CAST: variants seen among roughly 807,000 people sequenced by gnomAD.
The protein encoded by CAST is MIR583 host.
In CAST, 76 loss-of-function variants were observed where a neutral mutation model predicts 119.6. That is an observed-to-expected ratio of 0.64 (90% CI 0.53 to 0.77). The LOEUF (loss-of-function observed/expected upper bound fraction) is 0.77, where lower values mean the gene tolerates loss of function less well. Ranked by LOEUF, CAST falls within the 30% of genes least tolerant of loss-of-function variation. The probability of loss-of-function intolerance (pLI) is 0.00; values close to 1 mark genes in which losing one functional copy is unlikely to be tolerated. For synonymous variants in CAST, 319 were observed against 331.6 expected, an observed-to-expected ratio of 0.96 and a Z score of 0.41; for missense variants, 953 against 946.5, an observed-to-expected ratio of 1.01 and a Z score of -0.09.
chr5:96,573,390 G>C (rs1580830413), intron 1 of CAST, among the ~76,000 whole-genome samples: 1 of 152,072 alleles, frequency 6.6e-6, no homozygotes, highest in South Asian at 2.1e-4. Flanking sequence ...CAACACTTTG[G>C]GAGGCTGAGG....
the CAST span, among the ~76,000 whole-genome samples, chr5:96,365,282 GAGA>G: frequency 5.7e-3 from 874 of 152,336 alleles, 12 homozygotes; most frequent in African/African-American, 0.02. Flanking sequence ...ATGTGGTGCT[GAGA>G]AGAATGTATA....
At chr5:96,635,266 T>C (rs17086432) in intron 1 of CAST, among the ~76,000 whole-genome samples, 24,046 of 152,204 alleles carry the variant, frequency 0.16, 2,942 homozygotes, top group African/African-American at 0.35. Context: ...GGAAATGGGA[T>C]CAAATTACAT....
chr5:96,212,673 G>T, the CAST span, among the ~76,000 whole-genome samples: 1 of 152,128 alleles, frequency 6.6e-6, no homozygotes, highest in Non-Finnish European at 1.5e-5. Flanking sequence ...TGTTGAAAGA[G>T]GGCTATTGAA....
At chr5:96,439,895 GA>G in the CAST span, among the ~76,000 whole-genome samples, 1 of 152,170 alleles carries the variant, frequency 6.6e-6, no homozygotes, top group Non-Finnish European at 1.5e-5. Flanking sequence ...ATGGTTAGAA[GA>G]GGGACCAATC....
the CAST span, among the ~76,000 whole-genome samples, chr5:96,285,676 T>C: frequency 6.6e-6 from 1 of 152,200 alleles, no homozygotes; most frequent in African/African-American, 2.4e-5. Context: ...TCCGCTTTCT[T>C]TGTCTGTGGA....
the CAST span, among the ~76,000 whole-genome samples, chr5:96,230,372 A>G: frequency 1.4e-4 from 21 of 152,096 alleles, no homozygotes; most frequent in Non-Finnish European, 1.0e-4. Flanking sequence ...AATTTTATCA[A>G]TTTATCTGTG....
At chr5:96,137,074 A>G in the CAST span, among the ~76,000 whole-genome samples, 4 of 152,104 alleles carry the variant, frequency 2.6e-5, no homozygotes, top group Non-Finnish European at 2.9e-5. Context: ...TTCATACCTT[A>G]AGGTTTACCC....
chr5:96,601,170 C>A (rs1747145616), intron 1 of CAST, among the ~76,000 whole-genome samples: 1 of 152,152 alleles, frequency 6.6e-6, no homozygotes, highest in Non-Finnish European at 1.5e-5. Context: ...CCTCTATGAC[C>A]ATTTACCTAT....
At chr5:96,390,678 G>C in the CAST span, 2 of 152,426 alleles carry the variant, frequency 1.3e-5, no homozygotes, top group African/African-American at 4.8e-5. Flanking sequence ...TTTGATAAAA[G>C]CATTGGTATA....
intron 2 of CAST, among the ~76,000 whole-genome samples, chr5:96,677,000 G>A (rs1750791428): frequency 6.6e-6 from 1 of 150,570 alleles, no homozygotes; most frequent in South Asian, 2.1e-4. Flanking sequence ...GTTGCAGTGA[G>A]CCGAGATCAC....
At chr5:96,656,742 G>A (rs1432753677) in intron 1 of CAST, among the ~76,000 whole-genome samples, 1 of 152,198 alleles carries the variant, frequency 6.6e-6, no homozygotes, top group African/African-American at 2.4e-5. Flanking sequence ...GCAATGGGGA[G>A]CCATGATGGG....
intron 1 of CAST, among the ~76,000 whole-genome samples, chr5:96,647,172 CAA>C (rs957648554): frequency 2.2e-4 from 34 of 152,106 alleles, no homozygotes; most frequent in African/African-American, 7.7e-4. Context: ...ACAAAAACCC[CAA>C]CTCTCCCACA....
chr5:96,740,673 G>A lies in CAST; in HGVS notation c.880-72G>A, dbSNP rs373426964. ...TGGGAGGCACAATTCAACCCACAAC[G>A]GGCAATACATTTTGCCGATCTTAAG... On this transcript the variant is annotated intron_variant, in intron 12 of 31. Transcript: ENST00000675179. 5.6e-4 allele frequency: 589 copies of A among 1,060,388 alleles called. 4 individuals are homozygous for A. The highest frequency in any genetic ancestry group is 3.2e-3 in the Middle Eastern group (16 of 4,944). The allele number at this position is 1,060,388 out of a possible 1,614,324, so 65.7% of individuals were successfully genotyped here. A position where few individuals can be genotyped will look rare whatever the true frequency, so the allele number is the denominator to read the frequency against.
At chr5:96,335,252 C>T in the CAST span, among the ~76,000 whole-genome samples, 1 of 152,176 alleles carries the variant, frequency 6.6e-6, no homozygotes, top group South Asian at 2.1e-4. Context: ...TCAGTGTGAC[C>T]ACTTCATGTG....
upstream of CAST, chr5:96,662,328 C>CCTCCCTCCCTCCCTCT (rs1561446214): frequency 1.3e-6 from 1 of 751,060 alleles, no homozygotes; most frequent in African/African-American, 2.1e-5. Context: ...CCGCTCCCTC[C>CCTCCCTCCCTCCCTCT]CTCCCTCCCT....
At chr5:96,018,694 G>A in the CAST span, among the ~76,000 whole-genome samples, 984 of 152,284 alleles carry the variant, frequency 6.5e-3, 3 homozygotes, top group Non-Finnish European at 9.9e-3. Context: ...TCTAAAAGAT[G>A]TGACCCACTC....
chr5:96,246,841 T>C, the CAST span, among the ~76,000 whole-genome samples: 1 of 152,226 alleles, frequency 6.6e-6, no homozygotes. Context: ...TATTGAAGTA[T>C]AATAATTTTA....
chr5:96,641,585 C>A (rs1228516707), intron 1 of CAST, among the ~76,000 whole-genome samples: 1 of 152,306 alleles, frequency 6.6e-6, no homozygotes, highest in South Asian at 2.1e-4. Context: ...ACCCTTACGA[C>A]CTCACAGCCT....
intron 1 of CAST, among the ~76,000 whole-genome samples, chr5:96,563,110 C>G (rs1402147387): frequency 6.6e-6 from 1 of 152,164 alleles, no homozygotes; most frequent in African/African-American, 2.4e-5. Flanking sequence ...AACAAACAGG[C>G]CTGCTAAGTT....
Sources: gnomAD v4.1 joint callset for allele counts (sites outside exome capture counted in the v4.1 genomes callset) on GRCh38, gnomAD v4.1.1 for gene constraint, MANE v1.5 for transcripts, NCBI Gene and HGNC (gene_info 2026-07-23, HGNC 2026-07-21) for gene names.